JARID2: variants seen among roughly 807,000 people sequenced by gnomAD.
JARID2 encodes protein Jumonji.
In JARID2, 21 loss-of-function variants were observed where a neutral mutation model predicts 125.6. That is an observed-to-expected ratio of 0.17 (90% CI 0.12 to 0.24). JARID2 has a LOEUF of 0.24. Among genes scored for constraint, JARID2 ranks in the 10% least tolerant of loss-of-function variants. The pLI, the probability that JARID2 is intolerant of heterozygous loss-of-function variation, is 1.00. For synonymous variants in JARID2, 736 were observed against 661.6 expected, an observed-to-expected ratio of 1.11 and a Z score of -1.73; for missense variants, 1,303 against 1,639.6, an observed-to-expected ratio of 0.79 and a Z score of 3.55.
At chr6:15,516,008 AAAC>A (rs1561920788) in intron 16 of JARID2, among the ~76,000 whole-genome samples, 1 of 151,936 alleles carries the variant, frequency 6.6e-6, no homozygotes, top group Non-Finnish European at 1.5e-5. Context: ...AAAAAAAAAA[AAAC>A]CCGTTATAAA....
chr6:15,301,984 A>T (rs1761640596), intron 1 of JARID2, among the ~76,000 whole-genome samples: 1 of 152,212 alleles, frequency 6.6e-6, no homozygotes, highest in Non-Finnish European at 1.5e-5. Context: ...ATGTCAAGAG[A>T]AAGAATAGTT....
intron 5 of JARID2, among the ~76,000 whole-genome samples, chr6:15,479,317 T>A (rs1012064589): frequency 6.6e-6 from 1 of 152,236 alleles, no homozygotes; most frequent in African/African-American, 2.4e-5. Flanking sequence ...TGATTTATGG[T>A]CTTTCTGTTG....
intron 1 of JARID2, among the ~76,000 whole-genome samples, chr6:15,338,184 A>G (rs950657545): frequency 2.9e-4 from 44 of 152,148 alleles, no homozygotes; most frequent in African/African-American, 9.4e-4. Flanking sequence ...GGAGAGTGAA[A>G]GGAGGCCACT....
intron 16 of JARID2, among the ~76,000 whole-genome samples, chr6:15,515,089 C>G (rs1027762487): frequency 3.3e-5 from 5 of 151,818 alleles, no homozygotes; most frequent in East Asian, 1.9e-4. Context: ...GCTCTGTTGC[C>G]TAGGATGGAA....
At chr6:15,501,876 C>G (rs1181086802) in intron 8 of JARID2, among the ~76,000 whole-genome samples, 1 of 152,214 alleles carries the variant, frequency 6.6e-6, no homozygotes, top group Non-Finnish European at 1.5e-5. Flanking sequence ...TTCGTTTCCC[C>G]TGCTTCTCCA....
At chr6:15,255,463 G>A (rs34488826) in intron 1 of JARID2, among the ~76,000 whole-genome samples, 1 of 152,094 alleles carries the variant, frequency 6.6e-6, no homozygotes. Context: ...GAGTGAAAAG[G>A]ATAGGTTGTG....
intron 1 of JARID2, among the ~76,000 whole-genome samples, chr6:15,274,702 C>T (rs1234833381): frequency 3.9e-5 from 6 of 152,094 alleles, no homozygotes; most frequent in Admixed American, 3.9e-4. Context: ...CTTTTTGATT[C>T]TGGGTTTTTT....
At chr6:15,329,149 T>C (rs1380760106) in intron 1 of JARID2, among the ~76,000 whole-genome samples, 1 of 151,164 alleles carries the variant, frequency 6.6e-6, no homozygotes, top group African/African-American at 2.4e-5. Context: ...TTAAATTGAA[T>C]GAGGCAGAAA....
chr6:15,417,175 A>G (rs114599334), intron 3 of JARID2, among the ~76,000 whole-genome samples: 17 of 152,132 alleles, frequency 1.1e-4, no homozygotes, highest in Non-Finnish European at 2.4e-4. Flanking sequence ...AGGGTAGAAA[A>G]ATTTCACGAG....
intron 1 of JARID2, among the ~76,000 whole-genome samples, chr6:15,372,269 GCC>G (rs1764198522): frequency 6.6e-6 from 1 of 152,140 alleles, no homozygotes; most frequent in Non-Finnish European, 1.5e-5. Context: ...GCACCAGACT[GCC>G]CATGAGATTT....
intron 1 of JARID2, among the ~76,000 whole-genome samples, chr6:15,287,429 T>G (rs1761046051): frequency 6.6e-6 from 1 of 152,238 alleles, no homozygotes; most frequent in Non-Finnish European, 1.5e-5. Context: ...ATTATTGTAA[T>G]TTTAAAATAA....
intron 6 of JARID2, among the ~76,000 whole-genome samples, chr6:15,491,923 C>G (rs549532740): frequency 6.6e-6 from 1 of 152,256 alleles, no homozygotes; most frequent in South Asian, 2.1e-4. Flanking sequence ...CCTGGACTTT[C>G]ATATCTCTCA....
chr6:15,308,503 A>G (rs1213239751), intron 1 of JARID2, among the ~76,000 whole-genome samples: 5 of 152,326 alleles, frequency 3.3e-5, no homozygotes. Context: ...AAAATCTTGC[A>G]TATAAACATT....
At chr6:15,312,088 C>G (rs1762033259) in intron 1 of JARID2, among the ~76,000 whole-genome samples, 1 of 152,184 alleles carries the variant, frequency 6.6e-6, no homozygotes, top group Admixed American at 6.5e-5. Context: ...CGGAGTCTTG[C>G]CCTGTCACCC....
At chr6:15,459,371 A>G (rs1268851953) in intron 4 of JARID2, among the ~76,000 whole-genome samples, 2 of 152,238 alleles carry the variant, frequency 1.3e-5, no homozygotes, top group South Asian at 2.1e-4. Flanking sequence ...ACCTAATACA[A>G]TGTAAATGCT....
intron 7 of JARID2, among the ~76,000 whole-genome samples, chr6:15,499,346 G>C (rs1371002215): frequency 6.6e-6 from 1 of 152,178 alleles, no homozygotes; most frequent in Non-Finnish European, 1.5e-5. Context: ...GAAGGGGCTC[G>C]GCCACGTAGC....
chr6:15,433,165 T>TA (rs1329319823), intron 3 of JARID2, among the ~76,000 whole-genome samples: 2 of 152,176 alleles, frequency 1.3e-5, no homozygotes, highest in Non-Finnish European at 2.9e-5. Flanking sequence ...CCATTCTATA[T>TA]ATAGTTGCTG....
intron 1 of JARID2, among the ~76,000 whole-genome samples, chr6:15,261,087 G>A (rs916713133): frequency 6.6e-6 from 1 of 152,116 alleles, no homozygotes; most frequent in Non-Finnish European, 1.5e-5. Context: ...CATTATCTTT[G>A]ACTTGCAAAG....
At chr6:15,331,361 A>C (rs1266062574) in intron 1 of JARID2, among the ~76,000 whole-genome samples, 1 of 151,326 alleles carries the variant, frequency 6.6e-6, no homozygotes, top group African/African-American at 2.4e-5. Flanking sequence ...AAAAACAAAA[A>C]AAACAAAAAA....
Sources: gnomAD v4.1 joint callset for allele counts (sites outside exome capture counted in the v4.1 genomes callset) on GRCh38, gnomAD v4.1.1 for gene constraint, MANE v1.5 for transcripts, NCBI Gene and HGNC (gene_info 2026-07-23, HGNC 2026-07-21) for gene names.